KIAA1143: variants seen among roughly 807,000 people sequenced by gnomAD.
KIAA1143 encodes the protein KIAA1143.
Under a neutral mutation model 17.0 loss-of-function variants are expected in KIAA1143, and 8 were observed. The observed-to-expected ratio is 0.47, with a 90% CI of 0.28 to 0.85. The LOEUF is 0.85. KIAA1143 is among the 40% of genes least tolerant of loss of function. The pLI, the probability that KIAA1143 is intolerant of heterozygous loss-of-function variation, is 0.12. For missense variants in KIAA1143, 162 were observed against 183.3 expected (o/e 0.88, Z 0.67); for synonymous variants, 64 against 67.8 (o/e 0.94, Z 0.27).
At chr3:44,753,967 T>A (rs79483137) in intron 2 of KIAA1143, among the ~76,000 whole-genome samples, 7 of 151,218 alleles carry the variant, frequency 4.6e-5, no homozygotes, top group African/African-American at 9.7e-5. Context: ...AAAAAAAAAA[T>A]AGGATGCTTT....
At position 44,752,016 on chromosome 3, in the gene KIAA1143, G is replaced by A. The variant is rs916966783; in HGVS notation, c.*1325C>T. The A allele has an allele frequency of 4.6e-5, 7 of 152,122 alleles. No homozygotes were observed. Among genetic ancestry groups the A allele is most frequent in the Admixed American group, 3.9e-4 (6 of 15,274 alleles). The allele number at this position is 152,122 out of a possible 1,614,324, so 9.4% of individuals were successfully genotyped here. ...ATGAGGCAGGAGAATAGGGTCTGGA[G>A]ACAGGGAACCTAAGGCTGATTCACA... On this transcript the variant is annotated 3_prime_UTR_variant, in exon 3 of 3. Coordinates refer to ENST00000296121, the MANE Select transcript of KIAA1143 (RefSeq NM_020696.4).
At chr3:44,754,855 G>A (rs565827102) in intron 1 of KIAA1143, among the ~76,000 whole-genome samples, 4 of 152,110 alleles carry the variant, frequency 2.6e-5, no homozygotes, top group African/African-American at 9.7e-5. Context: ...TATTCTATCA[G>A]CTATTTTCCA....
At chr3:44,755,031 T>C (rs980565820) in intron 1 of KIAA1143, among the ~76,000 whole-genome samples, 92 of 152,302 alleles carry the variant, frequency 6.0e-4, no homozygotes, top group Middle Eastern at 3.4e-3. Flanking sequence ...CAGATGGTAA[T>C]ATTTTGCCAG....
intron 1 of KIAA1143, 75 bp downstream of exon 1, chr3:44,761,420 C>T (rs1705116284): frequency 2.5e-6 from 3 of 1,184,890 alleles, no homozygotes; most frequent in East Asian, 2.4e-5. Context: ...CAGCACCCAC[C>T]CTCCAAGTAG....
In KIAA1143 at chr3:44,754,205, A is replaced by C; in HGVS notation, c.253+19T>G. 6.2e-7 allele frequency: 1 copy of C among 1,610,248 alleles called. No homozygotes were observed. Among genetic ancestry groups the C allele is most frequent in the Non-Finnish European group, 8.5e-7 (1 of 1,179,030 alleles). On this transcript the variant is annotated intron_variant, in intron 2 of 2. Coordinates refer to ENST00000296121, the MANE Select transcript of KIAA1143 (RefSeq NM_020696.4). ...GGCTCCTTAAATTGTTAGAAAAACC[A>C]GATTACTTTTAGACCTACCTGCTTT...
At position 44,761,567 on chromosome 3, in the gene KIAA1143, T is replaced by C. The variant is rs745865631; in HGVS notation, c.36A>G (p.Pro12=). The C allele has an allele frequency of 4.3e-6, 7 of 1,614,104 alleles. No individual in the cohort carries two copies. In the Admixed American group the frequency reaches 5.0e-5, roughly 12 times the overall value. ...SKRNQVSYVR[P]AEPAFLARFK... ...AGCGGGCCAGAAACGCCGGCTCGGC[T>C]GGCCGCACGTACGATACCTGGTTCC... is the stretch of plus-strand genomic sequence containing the variant. The change falls in exon 1 of 3, where the codon CCA becomes CCG. Residue 12 remains proline (P), a synonymous_variant. Transcript: ENST00000296121.
chr3:44,753,702 G>T, intron 2 of KIAA1143, 150 bp from the exon 3 acceptor site: 1 of 717,958 alleles, frequency 1.4e-6, no homozygotes, highest in Non-Finnish European at 2.2e-6. Context: ...TAGCTATATT[G>T]CCCTCAAGGC....
chr3:44,748,755 T>C lies in KIAA1143; in HGVS notation c.*4586A>G, dbSNP rs183571690. The C allele has an allele frequency of 2.6e-5, 4 of 152,358 alleles. No individual in the cohort carries two copies. The highest frequency in any genetic ancestry group is 9.6e-5 in the African/African-American group (4 of 41,584). The allele number at this position is 152,358 out of a possible 1,614,324, so 9.4% of individuals were successfully genotyped here. ...AGACAACACTCTCATTCATTTTAAC[T>C]ATGTTTATTGTGCACTTAGTAGGCC... On this transcript the variant is annotated 3_prime_UTR_variant, in exon 3 of 3. Transcript: ENST00000296121.
rs1704909519 is a variant in KIAA1143 at position 44,752,916 on chromosome 3, A to T, written c.*425T>A. 1 of 153,466 alleles carries T rather than the reference A, an allele frequency of 6.5e-6. No homozygotes were observed. The allele number at this position is 153,466 out of a possible 1,614,324, so 9.5% of individuals were successfully genotyped here. A position where few individuals can be genotyped will look rare whatever the true frequency, so the allele number is the denominator to read the frequency against. Reference sequence around the variant, plus strand: ...CAAAGTGGAGCTATTGCTAATGAAAAAGATACAATGAGATGTTTATGAAAT... The same window carrying T: ...CAAAGTGGAGCTATTGCTAATGAAATAGATACAATGAGATGTTTATGAAAT... On this transcript the variant is annotated 3_prime_UTR_variant, in exon 3 of 3. Coordinates refer to ENST00000296121, the MANE Select transcript of KIAA1143 (RefSeq NM_020696.4).
chr3:44,755,932 A>G (rs1704963872), intron 1 of KIAA1143, among the ~76,000 whole-genome samples: 1 of 152,212 alleles, frequency 6.6e-6, no homozygotes, highest in African/African-American at 2.4e-5. Flanking sequence ...TTTTAACTAT[A>G]ACTCAAGTTC....
rs1440842258 is a variant in KIAA1143 at position 44,751,759 on chromosome 3, A to C, written c.*1582T>G. 2 of 152,142 alleles carry C rather than the reference A, an allele frequency of 1.3e-5. No individual in the cohort carries two copies. Among genetic ancestry groups the C allele is most frequent in the Non-Finnish European group, 2.9e-5 (2 of 68,046 alleles). 9.4% of individuals were successfully genotyped at this position (152,142 alleles called of 1,614,324 possible). A position where few individuals can be genotyped will look rare whatever the true frequency, so the allele number is the denominator to read the frequency against. On this transcript the variant is annotated 3_prime_UTR_variant, in exon 3 of 3. Coordinates refer to ENST00000296121, the MANE Select transcript of KIAA1143 (RefSeq NM_020696.4). The stretch of plus-strand genomic sequence containing the variant: ...CAAATCCATTTCCTTTTGCCTAGAG[A>C]CCACCAAGTTAGATGATCATGTGAC...
chr3:44,761,496 T>C lies in KIAA1143; in HGVS notation c.107A>G (p.Lys36Arg), dbSNP rs566090460. 5.0e-6 allele frequency: 8 copies of C among 1,610,616 alleles called. No homozygotes were observed. In the African/African-American group the frequency reaches 1.1e-4, roughly 22 times the overall value. The change falls in exon 1 of 3, where the codon AAG becomes AGG. Residue 36 changes from lysine to arginine, a missense_variant and splice_region_variant. By Grantham distance (26) the Lys-to-Arg change is conservative. Coordinates refer to ENST00000296121, the MANE Select transcript of KIAA1143 (RefSeq NM_020696.4). The part of the protein sequence containing the change: ...GYREGPTVET[K>R]RIQPQPPDED... ...GAAACACGACTGGCGAAGGCTCACC[T>C]TAGTCTCTACGGTGGGTCCCTCCCT...
intron 1 of KIAA1143, among the ~76,000 whole-genome samples, chr3:44,756,391 C>T (rs1039003883): frequency 1.3e-5 from 2 of 152,216 alleles, no homozygotes; most frequent in African/African-American, 2.4e-5. Flanking sequence ...TGAAACCCCC[C>T]GTCTCTACTA....
intron 1 of KIAA1143, among the ~76,000 whole-genome samples, chr3:44,760,417 T>C (rs1430241407): frequency 6.6e-6 from 1 of 152,144 alleles, no homozygotes; most frequent in Admixed American, 6.5e-5. Flanking sequence ...TGAGACGGAG[T>C]CTCGCTCTGT....
Position 44,753,563 on chromosome 3 carries a change from A to T in KIAA1143, c.254-11T>A. On this transcript the variant is annotated splice_polypyrimidine_tract_variant and intron_variant, in intron 2 of 2. Transcript: ENST00000296121. The stretch of plus-strand genomic sequence containing the variant: ...GAGTTGGTTCTTCATCTGAGCAAAA[A>T]CAGAATTTTTAAGAACTTTCTTCTC... The T allele has an allele frequency of 6.3e-7, 1 of 1,597,252 alleles. No homozygotes were observed.
intron 1 of KIAA1143, among the ~76,000 whole-genome samples, chr3:44,759,473 C>T (rs756771681): frequency 3.3e-5 from 5 of 152,202 alleles, no homozygotes; most frequent in Admixed American, 1.3e-4. Context: ...TAGCATAATT[C>T]TTACGGACCC....
chr3:44,754,462 G>C (rs778066509), intron 1 of KIAA1143, 94 bp from the exon 2 acceptor site: 23 of 1,190,472 alleles, frequency 1.9e-5, no homozygotes, highest in Non-Finnish European at 2.4e-5. Context: ...TTATGAGAAG[G>C]GTATCTTTAT....
intron 1 of KIAA1143, among the ~76,000 whole-genome samples, chr3:44,756,578 G>A (rs1230630444): frequency 6.6e-6 from 1 of 152,082 alleles, no homozygotes; most frequent in African/African-American, 2.4e-5. Flanking sequence ...AAATAAAAGT[G>A]AATAGGATGA....
rs918732788 is a variant in KIAA1143, at chr3:44,761,530, C to T, written c.73G>A (p.Val25Ile). Residue 25 changes from valine to isoleucine, a missense_variant, in exon 1 of 3, where the codon GTC becomes ATC. By Grantham distance (29) the Val-to-Ile change is conservative. Transcript: ENST00000296121. The stretch of plus-strand genomic sequence containing the variant: ...ACGGTGGGTCCCTCCCTGTAGCCGA[C>T]CCGTTCCTTGAAGCGGGCCAGAAAC... ...PAFLARFKER[V>I]GYREGPTVET... is the part of the protein sequence containing the mutation. The T allele has an allele frequency of 1.2e-6, 2 of 1,614,166 alleles. No homozygotes were observed. Among genetic ancestry groups the T allele is most frequent in the Admixed American group, 1.7e-5 (1 of 60,028 alleles).
Sources: allele counts gnomAD v4.1 joint callset (sites outside exome capture counted in the v4.1 genomes callset), GRCh38; gene constraint gnomAD v4.1.1; transcripts MANE v1.5; gene names NCBI Gene and HGNC (gene_info 2026-07-23, HGNC 2026-07-21).